Variants in UBE4A observed in about 807,000 individuals in gnomAD.
UBE4A encodes ubiquitination factor E4A.
Under a neutral mutation model 117.9 loss-of-function variants are expected in UBE4A, and 48 were observed. That is an observed-to-expected ratio of 0.41 (90% CI 0.32 to 0.52). The LOEUF is 0.52. Ranked by LOEUF, UBE4A falls within the 20% of genes least tolerant of loss-of-function variation. UBE4A has a pLI of 0.33. For synonymous variants in UBE4A, 407 were observed against 450.0 expected (o/e 0.90, Z 1.21); for missense variants, 1,067 against 1,296.3 (o/e 0.82, Z 2.72).
chr11:118,376,592 G>T lies in UBE4A; in HGVS notation c.1469G>T (p.Cys490Phe). The T allele has an allele frequency of 1.9e-6, 3 of 1,612,782 alleles. No homozygotes were observed. Among genetic ancestry groups the T allele is most frequent in the Non-Finnish European group, 2.5e-6 (3 of 1,179,554 alleles). Residue 490 changes from cysteine (C) to phenylalanine (F), a missense_variant, in exon 10 of 20, where the codon TGT becomes TTT. Coordinates refer to ENST00000252108, the MANE Select transcript of UBE4A (RefSeq NM_001204077.2). ...VHMRGLDKETCLIPAVQEPKF... is the reference protein window; with the variant it reads ...VHMRGLDKETFLIPAVQEPKF... ...CTTTGAGGTTTGGACAAAGAAACCTGTTTGATCCCAGCTGTGCAGGAGCCG... is the reference window on the plus strand; with the variant it reads ...CTTTGAGGTTTGGACAAAGAAACCTTTTTGATCCCAGCTGTGCAGGAGCCG...
At chr11:118,394,578 C>T (rs1948850990) in intron 19 of UBE4A, among the ~76,000 whole-genome samples, 1 of 152,026 alleles carries the variant, frequency 6.6e-6, no homozygotes. Flanking sequence ...CGAGACCAGC[C>T]TGGCCAACAT....
Position 118,373,491 on chromosome 11 carries a change from C to A in UBE4A, c.925-3C>A. The A allele has an allele frequency of 1.2e-6, 2 of 1,608,932 alleles. No homozygotes were observed. The highest frequency in any genetic ancestry group is 1.7e-6 in the Non-Finnish European group (2 of 1,177,528). On this transcript the variant is annotated splice_polypyrimidine_tract_variant and splice_region_variant and intron_variant, in intron 7 of 19. Coordinates refer to ENST00000252108, the MANE Select transcript of UBE4A (RefSeq NM_001204077.2). ...AATAAGCAGAACTTGTCTTCTCTTA[C>A]AGGTTTTTGTAGAATACATTCAGCC... is the stretch of plus-strand genomic sequence containing the variant.
At position 118,382,643 on chromosome 11, in the gene UBE4A, G is replaced by T; in HGVS notation, c.2064G>T (p.Met688Ile). The change falls in exon 13 of 20, where the codon ATG becomes ATT. Residue 688 changes from methionine to isoleucine, a missense_variant. By Grantham distance (10) the Met-to-Ile change is conservative. This residue lies in a region of UBE4A where 1,001 missense variants were observed against 1,184.0 expected (regional missense o/e 0.85). Transcript: ENST00000252108. ...AKLAEVLEAVMPHLDQTPNPL... is the reference protein window; with the variant it reads ...AKLAEVLEAVIPHLDQTPNPL... ...TAGCAGAGGTGTTGGAAGCAGTGAT[G>T]CCCCACCTGGATCAGACCCCAAATC... The T allele has an allele frequency of 6.3e-7, 1 of 1,597,334 alleles. No homozygotes were observed. The highest frequency in any genetic ancestry group is 8.5e-7 in the Non-Finnish European group (1 of 1,169,912).
rs144632827 is a variant in UBE4A at position 118,396,395 on chromosome 11, A to G, written c.3156A>G (p.Gln1052=). The part of the protein sequence containing the change: ...RPNTELKEKI[Q]RWLAERKQQK... ...ACACAGAACTAAAAGAAAAAATCCAACGGTGGCTTGCAGAGAGGAAACAAC... is the reference window on the plus strand; with the variant it reads ...ACACAGAACTAAAAGAAAAAATCCAGCGGTGGCTTGCAGAGAGGAAACAAC... Residue 1052 remains glutamine, a synonymous_variant, in exon 20 of 20, where the codon CAA becomes CAG. Transcript: ENST00000252108. 3.7e-6 allele frequency: 6 copies of G among 1,613,906 alleles called. No homozygotes were observed. The highest frequency in any genetic ancestry group is 2.7e-5 in the African/African-American group (2 of 74,906).
chr11:118,364,725 A>C (rs1029447883), intron 1 of UBE4A, among the ~76,000 whole-genome samples: 1 of 152,098 alleles, frequency 6.6e-6, no homozygotes, highest in Non-Finnish European at 1.5e-5. Context: ...CTTTGACTTC[A>C]ATAATTCTTT....
rs758247000 is a variant in UBE4A at position 118,371,586 on chromosome 11, A to G, written c.481A>G (p.Asn161Asp). ...LINMTSSTTL[N>D]LSADRDAGER... ...TAACATGACTTCTTCTACAACGCTA[A>G]ATCTCTCTGCTGATCGAGATGCAGG... is the stretch of plus-strand genomic sequence containing the variant. Residue 161 changes from asparagine (N) to aspartate (D), a missense_variant, in exon 5 of 20, where the codon AAT becomes GAT. Around this residue, in one of 3 missense-constraint regions of UBE4A, gnomAD observed 1,001 missense variants for 1,184.0 expected, o/e 0.85. Coordinates refer to ENST00000252108, the MANE Select transcript of UBE4A (RefSeq NM_001204077.2). 9 of 1,613,934 alleles carry G rather than the reference A, an allele frequency of 5.6e-6. No individual in the cohort carries two copies. In the African/African-American group the frequency reaches 1.2e-4, roughly 22 times the overall value.
intron 15 of UBE4A, among the ~76,000 whole-genome samples, chr11:118,385,770 G>T (rs1298649035): frequency 6.6e-6 from 1 of 152,216 alleles, no homozygotes; most frequent in African/African-American, 2.4e-5. Flanking sequence ...TGTTTAATTT[G>T]TGAGAAAGGT....
At chr11:118,377,327 C>T (rs1948661833) in intron 10 of UBE4A, among the ~76,000 whole-genome samples, 2 of 152,094 alleles carry the variant, frequency 1.3e-5, no homozygotes, top group South Asian at 2.1e-4. Flanking sequence ...TCTGCCTCAT[C>T]CTCCCAAGTA....
In UBE4A at chr11:118,392,880, C is replaced by G; in HGVS notation, c.3059C>G (p.Ala1020Gly). Residue 1020 changes from alanine to glycine, a missense_variant, in exon 19 of 20, where the codon GCA becomes GGA. Ala to Gly is a moderately conservative substitution (Grantham distance 60). Around this residue, in one of 3 missense-constraint regions of UBE4A, gnomAD observed 34 missense variants for 77.7 expected, o/e 0.44. Transcript: ENST00000252108. ...SRVTVDRSTI[A>G]RHLLSDQTDP... ...GTCACTGTGGATAGATCCACCATTGCAAGACATTTGCTCAGGTAGGCCAGT... is the reference window on the plus strand; with the variant it reads ...GTCACTGTGGATAGATCCACCATTGGAAGACATTTGCTCAGGTAGGCCAGT... The G allele has an allele frequency of 1.2e-6, 2 of 1,613,896 alleles. No homozygotes were observed. Among genetic ancestry groups the G allele is most frequent in the Non-Finnish European group, 8.5e-7 (1 of 1,179,940 alleles).
intron 8 of UBE4A, among the ~76,000 whole-genome samples, chr11:118,374,159 G>A (rs558563506): frequency 7.4e-4 from 112 of 151,978 alleles, no homozygotes; most frequent in African/African-American, 2.7e-3. Context: ...AGAACAGCAC[G>A]TGTGGGGTAA....
chr11:118,370,793 G>A (rs973558969), intron 4 of UBE4A, among the ~76,000 whole-genome samples: 12 of 152,152 alleles, frequency 7.9e-5, no homozygotes, highest in African/African-American at 1.2e-4. Context: ...CCATGAGGAC[G>A]CATGCAAGGA....
rs1334773544 is a variant in UBE4A, at chr11:118,397,821, C to G, written c.*1381C>G. 1 of 152,200 alleles carries G rather than the reference C, an allele frequency of 6.6e-6. No homozygotes were observed. Among genetic ancestry groups the G allele is most frequent in the Admixed American group, 6.5e-5 (1 of 15,282 alleles). 9.4% of individuals were successfully genotyped at this position (152,200 alleles called of 1,614,324 possible). On this transcript the variant is annotated 3_prime_UTR_variant, in exon 20 of 20. Coordinates refer to ENST00000252108, the MANE Select transcript of UBE4A (RefSeq NM_001204077.2). ...TAGTTTTATATTTCAACACAAGTTG[C>G]TATAAGCAGTCCTTGATGGGTTTTT...
Position 118,396,297 on chromosome 11 carries a change from TTC to T in UBE4A, c.3075-11_3075-10del. ...CTTATGGAAATAACCCTATTTCCCTTTCTCTCTTTGTCCCAGTGACCAAACAG... is the reference window on the plus strand; with the variant it reads ...CTTATGGAAATAACCCTATTTCCCTTTCTCTTTGTCCCAGTGACCAAACAG... On this transcript the variant is annotated splice_polypyrimidine_tract_variant and intron_variant, in intron 19 of 19. Transcript: ENST00000252108. The T allele has an allele frequency of 6.2e-7, 1 of 1,605,350 alleles. No individual in the cohort carries two copies. The highest frequency in any genetic ancestry group is 1.1e-5 in the South Asian group (1 of 89,460).
At chr11:118,394,284 G>A (rs1948848005) in intron 19 of UBE4A, among the ~76,000 whole-genome samples, 1 of 152,048 alleles carries the variant, frequency 6.6e-6, no homozygotes, top group South Asian at 2.1e-4. Context: ...GCCTCACCAA[G>A]TAACTGGGAC....
chr11:118,389,372 A>AT (rs1299107149), intron 16 of UBE4A, among the ~76,000 whole-genome samples: 6 of 152,254 alleles, frequency 3.9e-5, no homozygotes, highest in Non-Finnish European at 7.3e-5. Flanking sequence ...TACTGAAAAC[A>AT]GTAAGTTTCA....
At chr11:118,377,309 G>A (rs548360938) in intron 10 of UBE4A, among the ~76,000 whole-genome samples, 116 of 152,244 alleles carry the variant, frequency 7.6e-4, no homozygotes, top group African/African-American at 2.6e-3. Context: ...CTGGGTTCAA[G>A]CAATTCTTCT....
At chr11:118,369,289 T>A in intron 3 of UBE4A, 134 bp from the exon 4 acceptor site, 1 of 639,872 alleles carries the variant, frequency 1.6e-6, no homozygotes, top group Non-Finnish European at 2.7e-6. Context: ...TCTTTAGATG[T>A]TGCTTTGTGT....
Position 118,382,766 on chromosome 11 carries a change from C to A in UBE4A, c.2187C>A (p.Ile729=). ...CTCTAATCAAGGTTTTTGTGGACAT[C>A]GAATTTACAGGTAAAGCAGTCATGA... is the stretch of plus-strand genomic sequence containing the variant. ...AEALIKVFVD[I]EFTGDPHQFE... is the part of the protein sequence containing the mutation. Residue 729 remains isoleucine, a synonymous_variant, in exon 13 of 20, where the codon ATC becomes ATA. Coordinates refer to ENST00000252108, the MANE Select transcript of UBE4A (RefSeq NM_001204077.2). The A allele has an allele frequency of 6.3e-7, 1 of 1,584,222 alleles. No individual in the cohort carries two copies. Among genetic ancestry groups the A allele is most frequent in the Non-Finnish European group, 8.6e-7 (1 of 1,160,372 alleles).
rs781806878 is a variant in UBE4A at position 118,389,773 on chromosome 11, C to G, written c.2636C>G (p.Ser879Cys). 4.3e-6 allele frequency: 7 copies of G among 1,613,702 alleles called. No individual in the cohort carries two copies. Among genetic ancestry groups the G allele is most frequent in the Non-Finnish European group, 5.9e-6 (7 of 1,179,752 alleles). The change falls in exon 17 of 20, where the codon TCC becomes TGC. Residue 879 changes from serine (S) to cysteine (C), a missense_variant. Ser to Cys is a moderately radical substitution (Grantham distance 112). Around this residue, in one of 3 missense-constraint regions of UBE4A, gnomAD observed 1,001 missense variants for 1,184.0 expected, o/e 0.85. Coordinates refer to ENST00000252108, the MANE Select transcript of UBE4A (RefSeq NM_001204077.2). ...CCCTTCCTGGCTGAGCGCATCATCTCCATGTTGAACTACTTCCTGCAACAC... is the reference window on the plus strand; with the variant it reads ...CCCTTCCTGGCTGAGCGCATCATCTGCATGTTGAACTACTTCCTGCAACAC... ...VHPFLAERII[S>C]MLNYFLQHLV...
Sources: allele counts gnomAD v4.1 joint callset (sites outside exome capture counted in the v4.1 genomes callset), GRCh38; gene constraint gnomAD v4.1.1; regional missense constraint gnomAD v4.1.1; transcripts MANE v1.5; gene names NCBI Gene and HGNC (gene_info 2026-07-23, HGNC 2026-07-21).